Variants in LEPR observed in about 807,000 individuals in gnomAD.
LEPR encodes the protein OB receptor.
Under a neutral mutation model 114.7 loss-of-function variants are expected in LEPR, and 56 were observed. The observed-to-expected ratio is 0.49, with a 90% CI of 0.39 to 0.61. The LOEUF (loss-of-function observed/expected upper bound fraction) is 0.61, where lower values mean the gene tolerates loss of function less well. Ranked by LOEUF, LEPR falls within the 20% of genes least tolerant of loss-of-function variation. LEPR has a pLI of 0.00. For synonymous variants in LEPR, 443 were observed against 461.4 expected (o/e 0.96, Z 0.51); for missense variants, 1,202 against 1,352.9 (o/e 0.89, Z 1.75).
chr1:65,529,889 C>G (rs1465336571), intron 2 of LEPR, among the ~76,000 whole-genome samples: 1 of 152,198 alleles, frequency 6.6e-6, no homozygotes, highest in Non-Finnish European at 1.5e-5. Flanking sequence ...AGCCTCTCCT[C>G]TTTTCTTAGA....
At chr1:65,593,813 C>G (rs963836185) in intron 6 of LEPR, among the ~76,000 whole-genome samples, 4 of 152,050 alleles carry the variant, frequency 2.6e-5, no homozygotes, top group Non-Finnish European at 4.4e-5. Context: ...GCAATTCAAT[C>G]GTGAAGTTAT....
chr1:65,437,134 G>A (rs1169816692), intron 2 of LEPR, among the ~76,000 whole-genome samples: 1 of 152,176 alleles, frequency 6.6e-6, no homozygotes, highest in African/African-American at 2.4e-5. Context: ...AATGAGTTAC[G>A]TGAGTTCTGA....
At chr1:65,613,739 A>G (rs928939611) in intron 14 of LEPR, among the ~76,000 whole-genome samples, 2 of 46,062 alleles carry the variant, frequency 4.3e-5, no homozygotes, top group Admixed American at 2.4e-4. Flanking sequence ...CGGCCTGGGC[A>G]ACAGAGCGAG....
intron 2 of LEPR, among the ~76,000 whole-genome samples, chr1:65,546,874 C>A (rs944098334): frequency 1.6e-4 from 24 of 152,128 alleles, no homozygotes; most frequent in African/African-American, 5.3e-4. Flanking sequence ...AGAGGGCATC[C>A]CTGTCTTGTG....
In LEPR at chr1:65,637,059, T is replaced by C. The variant is rs1167800244; in HGVS notation, c.*44T>C. 6.4e-7 allele frequency: 1 copy of C among 1,574,172 alleles called. No individual in the cohort carries two copies. The highest frequency in any genetic ancestry group is 8.7e-7 in the Non-Finnish European group (1 of 1,154,994). ...CAGATTTGTGTTATAATGGGTAATA[T>C]AAAGTGTAATAGATTATAGTTGTGG... On this transcript the variant is annotated 3_prime_UTR_variant, in exon 20 of 20. Coordinates refer to ENST00000349533, the MANE Select transcript of LEPR (RefSeq NM_002303.6).
intron 2 of LEPR, among the ~76,000 whole-genome samples, chr1:65,505,113 G>A (rs1464381707): frequency 1.3e-5 from 2 of 152,044 alleles, no homozygotes; most frequent in African/African-American, 4.8e-5. Flanking sequence ...AATGTCCTGA[G>A]CTAAATGAAA....
Position 65,488,212 on chromosome 1 carries a change from C to CTTTCTTTCTTTCTT in LEPR, c.-21+62835_-21+62836insTTCTTTCTTTCTTT, listed in dbSNP as rs756857644. ...TCTTTCTTTCTTTCTTTCTTTCTTT[C>CTTTCTTTCTTTCTT]TCTCTCTCTCTCTCTCTTTCTTTCT... On this transcript the variant is annotated intron_variant, in intron 2 of 19. Coordinates refer to ENST00000349533, the MANE Select transcript of LEPR (RefSeq NM_002303.6). 1.5e-3 allele frequency among the ~76,000 whole-genome samples: 55 copies of CTTTCTTTCTTTCTT among 36,390 alleles called. 1 individual carries two copies. The highest frequency in any genetic ancestry group is 0.017 in the Middle Eastern group (1 of 58). The allele number at this position is 36,390 out of a possible 152,430, so 23.9% of individuals were successfully genotyped here.
chr1:65,584,407 A>G (rs965112817), intron 5 of LEPR, among the ~76,000 whole-genome samples: 4 of 152,072 alleles, frequency 2.6e-5, no homozygotes, highest in Non-Finnish European at 5.9e-5. Context: ...AAATCTATAT[A>G]TCTATATATC....
chr1:65,459,237 T>A (rs886563849), intron 2 of LEPR, among the ~76,000 whole-genome samples: 3 of 152,156 alleles, frequency 2.0e-5, no homozygotes, highest in Non-Finnish European at 4.4e-5. Context: ...GAATCACCCA[T>A]GGTGTTGCCA....
At chr1:65,515,242 A>G (rs1649229499) in intron 2 of LEPR, among the ~76,000 whole-genome samples, 1 of 152,206 alleles carries the variant, frequency 6.6e-6, no homozygotes, top group African/African-American at 2.4e-5. Context: ...CTGAAGCGGA[A>G]GAAAACACTG....
chr1:65,622,873 C>CAAAATT, intron 18 of LEPR, 33 bp from the exon 19 acceptor site: 1 of 1,609,968 alleles, frequency 6.2e-7, no homozygotes, highest in Non-Finnish European at 8.5e-7. Context: ...GGATGTTTTT[C>CAAAATT]TCTAATTTTG....
At chr1:65,421,301 T>C in intron 1 of LEPR, 1 of 1,508,834 alleles carries the variant, frequency 6.6e-7, no homozygotes, top group Non-Finnish European at 8.8e-7. Flanking sequence ...TACTGCTTTC[T>C]TCGGTGTTTT....
intron 2 of LEPR, among the ~76,000 whole-genome samples, chr1:65,468,973 AT>A (rs1417664248): frequency 1.3e-5 from 2 of 152,214 alleles, no homozygotes; most frequent in African/African-American, 4.8e-5. Flanking sequence ...ACTGAGATGC[AT>A]TTTCTGGTAT....
rs752533314 is a variant in LEPR at position 65,601,510 on chromosome 1, T to A, written c.1113T>A (p.Asn371Lys). 2 of 1,613,766 alleles carry A rather than the reference T, an allele frequency of 1.2e-6. No individual in the cohort carries two copies. Among genetic ancestry groups the A allele is most frequent in the Admixed American group, 3.3e-5 (2 of 60,012 alleles). Residue 371 changes from asparagine to lysine, a missense_variant, in exon 9 of 20, where the codon AAT (asparagine) becomes AAA (lysine). Coordinates refer to ENST00000349533, the MANE Select transcript of LEPR (RefSeq NM_002303.6). ...CAAAAGAGATTGTTTGGTGGATGAA[T>A]TTAGCTGAGAAAATTCCTCAAAGCC... ...VPSKEIVWWM[N>K]LAEKIPQSQY...
intron 2 of LEPR, among the ~76,000 whole-genome samples, chr1:65,555,606 CAG>C (rs1652761115): frequency 6.6e-6 from 1 of 152,132 alleles, no homozygotes; most frequent in Admixed American, 6.5e-5. Flanking sequence ...GAAGTGGGCA[CAG>C]GGGTCTACAC....
intron 7 of LEPR, among the ~76,000 whole-genome samples, 154 bp downstream of exon 7, chr1:65,596,747 A>G (rs1656092529): frequency 6.6e-6 from 1 of 152,160 alleles, no homozygotes; most frequent in Non-Finnish European, 1.5e-5. Flanking sequence ...TATCATATAT[A>G]GATAGATATA....
intron 19 of LEPR, among the ~76,000 whole-genome samples, chr1:65,626,673 C>T (rs918319992): frequency 2.0e-5 from 3 of 152,140 alleles, no homozygotes; most frequent in Admixed American, 6.5e-5. Flanking sequence ...GACAGGGTCT[C>T]GCTCTGTCAC....
chr1:65,569,480 G>A (rs1200193038), intron 3 of LEPR, among the ~76,000 whole-genome samples: 1 of 152,078 alleles, frequency 6.6e-6, no homozygotes, highest in Non-Finnish European at 1.5e-5. Context: ...ACCAAGGTGG[G>A]CGGATCACCT....
intron 11 of LEPR, 81 bp from the exon 12 acceptor site, chr1:65,608,672 G>A (rs1656979831): frequency 2.8e-6 from 4 of 1,440,272 alleles, no homozygotes; most frequent in East Asian, 2.5e-5. Context: ...GAATACAGAT[G>A]TATGAAAATA....
Sources: gnomAD v4.1 joint callset for allele counts (sites outside exome capture counted in the v4.1 genomes callset) on GRCh38, gnomAD v4.1.1 for gene constraint, MANE v1.5 for transcripts, NCBI Gene and HGNC (gene_info 2026-07-23, HGNC 2026-07-21) for gene names.